CADPS2: variants seen among roughly 807,000 people sequenced by gnomAD.
CADPS2 encodes calcium dependent secretion activator 2, also known as calcium-dependent secretion activator 2.
Under a neutral mutation model 172.5 loss-of-function variants are expected in CADPS2, and 93 were observed. That is an observed-to-expected ratio of 0.54 (90% CI 0.46 to 0.64). CADPS2 has a LOEUF of 0.64. Ranked by LOEUF, CADPS2 falls within the 30% of genes least tolerant of loss-of-function variation. The pLI is 0.00. For synonymous variants in CADPS2, 546 were observed against 555.2 expected (o/e 0.98, Z 0.23); for missense variants, 1,420 against 1,565.9 (o/e 0.91, Z 1.57).
intron 1 of CADPS2, among the ~76,000 whole-genome samples, chr7:122,857,696 C>T (rs1225106944): frequency 2.0e-5 from 3 of 152,142 alleles, no homozygotes; most frequent in Non-Finnish European, 2.9e-5. Context: ...GACAAAAATA[C>T]TCAAGTCACT....
Position 122,574,345 on chromosome 7 carries a change from C to G in CADPS2, c.1335+6834G>C, listed in dbSNP as rs753686883. On this transcript the variant is annotated intron_variant, in intron 7 of 29. Coordinates refer to ENST00000449022, the MANE Select transcript of CADPS2 (RefSeq NM_017954.11). ...CCTATGGCCTCAGATACTCTGGAAG[C>G]TGAGGTAGGAAGATCTCTTGAGCCT... 1.3e-4 allele frequency among the ~76,000 whole-genome samples: 18 copies of G among 140,980 alleles called. No individual in the cohort carries two copies. In the East Asian group the frequency reaches 4.0e-3, roughly 31 times the overall value. The allele number at this position is 140,980 out of a possible 152,430, so 92.5% of individuals were successfully genotyped here.
At chr7:122,747,445 A>C (rs1271786674) in intron 1 of CADPS2, among the ~76,000 whole-genome samples, 1 of 152,190 alleles carries the variant, frequency 6.6e-6, no homozygotes, top group African/African-American at 2.4e-5. Context: ...TGAGGGACTC[A>C]TTCTTTAGAA....
chr7:122,357,717 A>G (rs1441558535), intron 27 of CADPS2, among the ~76,000 whole-genome samples: 1 of 152,176 alleles, frequency 6.6e-6, no homozygotes, highest in Non-Finnish European at 1.5e-5. Flanking sequence ...AGAATGTGAT[A>G]TAAATGGAAT....
chr7:122,663,646 C>T, intron 2 of CADPS2, 77 bp from the exon 3 acceptor site: 1 of 1,034,878 alleles, frequency 9.7e-7, no homozygotes, highest in Non-Finnish European at 1.4e-6. Flanking sequence ...TTGCTTTCAG[C>T]AATCCAGCCA....
intron 1 of CADPS2, among the ~76,000 whole-genome samples, chr7:122,857,642 A>T (rs1024364515): frequency 1.3e-5 from 2 of 152,212 alleles, no homozygotes; most frequent in African/African-American, 4.8e-5. Flanking sequence ...CAAGTTTCCC[A>T]AACAATTCTA....
At chr7:122,705,027 C>A (rs2086765035) in intron 2 of CADPS2, among the ~76,000 whole-genome samples, 2 of 151,990 alleles carry the variant, frequency 1.3e-5, no homozygotes, top group South Asian at 2.1e-4. Context: ...ACTCTCCCAA[C>A]CCCGATGGGT....
chr7:122,706,906 C>CA (rs1028182735), intron 2 of CADPS2, among the ~76,000 whole-genome samples: 9 of 150,702 alleles, frequency 6.0e-5, no homozygotes, highest in Middle Eastern at 3.2e-3. Flanking sequence ...AATTGCTTCA[C>CA]AAACCCATGC....
At position 122,667,932 on chromosome 7, in the gene CADPS2, G is replaced by C. The variant is rs182099564; in HGVS notation, c.454-4363C>G. 9.2e-5 allele frequency among the ~76,000 whole-genome samples: 14 copies of C among 152,264 alleles called. 1 individual carries two copies. The highest frequency in any genetic ancestry group is 1.0e-4 in the Non-Finnish European group (7 of 67,994). ...TTCACTATAAGAGTGGGGGCCACGT[G>C]GGGGGAGGGAGGACTCTGGGCTGTA... On this transcript the variant is annotated intron_variant, in intron 2 of 29. Transcript: ENST00000449022.
At chr7:122,477,006 A>G (rs149672007) in intron 12 of CADPS2, among the ~76,000 whole-genome samples, 19 of 67,472 alleles carry the variant, frequency 2.8e-4, no homozygotes, top group Non-Finnish European at 3.7e-4. Context: ...GGGAGAGGAG[A>G]GGAGAGGAGA....
chr7:122,411,500 G>A (rs1267375062), intron 19 of CADPS2, among the ~76,000 whole-genome samples: 1 of 152,136 alleles, frequency 6.6e-6, no homozygotes, highest in Non-Finnish European at 1.5e-5. Flanking sequence ...GATTACAGGT[G>A]TGAGCCACCG....
chr7:122,478,722 G>T (rs192353621), intron 12 of CADPS2, among the ~76,000 whole-genome samples: 1 of 152,278 alleles, frequency 6.6e-6, no homozygotes, highest in East Asian at 1.9e-4. Context: ...AGGACTATCA[G>T]TGAGGGGCTT....
At chr7:122,843,232 T>C (rs148508908) in intron 1 of CADPS2, among the ~76,000 whole-genome samples, 1 of 152,104 alleles carries the variant, frequency 6.6e-6, no homozygotes, top group East Asian at 1.9e-4. Flanking sequence ...ATCATAAGAG[T>C]TGCTTTTTTT....
chr7:122,340,972 T>C (rs2036690381), intron 28 of CADPS2, among the ~76,000 whole-genome samples: 1 of 152,198 alleles, frequency 6.6e-6, no homozygotes, highest in Non-Finnish European at 1.5e-5. Flanking sequence ...CAGTTTTTCT[T>C]ACCCAACAAG....
chr7:122,517,166 A>T (rs2060440287), intron 8 of CADPS2, among the ~76,000 whole-genome samples: 1 of 152,098 alleles, frequency 6.6e-6, no homozygotes, highest in Non-Finnish European at 1.5e-5. Context: ...TTTCTGTCTG[A>T]CTTCTTTCAT....
At chr7:122,533,941 C>T (rs78080820) in intron 8 of CADPS2, among the ~76,000 whole-genome samples, 5,636 of 152,098 alleles carry the variant, frequency 0.037, 335 homozygotes, top group African/African-American at 0.13. Flanking sequence ...GAGAGAACGT[C>T]CAAGATTTCC....
chr7:122,799,310 C>CA (rs1417838890), intron 1 of CADPS2, among the ~76,000 whole-genome samples: 4 of 152,104 alleles, frequency 2.6e-5, no homozygotes, highest in Admixed American at 2.6e-4. Flanking sequence ...AGAAGTATAG[C>CA]TATGTAGGGC....
chr7:122,566,990 T>C (rs1051457327), intron 7 of CADPS2, among the ~76,000 whole-genome samples: 3 of 152,174 alleles, frequency 2.0e-5, no homozygotes, highest in Non-Finnish European at 2.9e-5. Context: ...TAGATGCCAC[T>C]ATGAACTGGA....
chr7:122,864,317 C>CA (rs921108023), intron 1 of CADPS2, among the ~76,000 whole-genome samples: 6 of 151,608 alleles, frequency 4.0e-5, no homozygotes, highest in Middle Eastern at 3.4e-3. Flanking sequence ...ACCAAAAATA[C>CA]AAAAAAAATA....
chr7:122,368,916 G>A (rs558932882), intron 25 of CADPS2, among the ~76,000 whole-genome samples: 33 of 152,190 alleles, frequency 2.2e-4, no homozygotes, highest in African/African-American at 7.7e-4. Context: ...AGGAAAATAA[G>A]TCATGTGAGG....
Sources: allele counts gnomAD v4.1 joint callset (sites outside exome capture counted in the v4.1 genomes callset), GRCh38; gene constraint gnomAD v4.1.1; transcripts MANE v1.5; gene names NCBI Gene and HGNC (gene_info 2026-07-23, HGNC 2026-07-21).